SGCZ: variants seen among roughly 807,000 people sequenced by gnomAD.
SGCZ encodes sarcoglycan zeta.
A neutral mutation model predicts 41.3 loss-of-function variants in SGCZ; 40 were observed. That is an observed-to-expected ratio of 0.97 (90% CI 0.75 to 1.26). The LOEUF is 1.26. Ranked by LOEUF, SGCZ falls within the 50% of genes most tolerant of loss-of-function variation. The probability of loss-of-function intolerance (pLI) is 0.00; values close to 1 mark genes in which losing one functional copy is unlikely to be tolerated. For synonymous variants in SGCZ, 206 were observed against 137.5 expected (o/e 1.50, Z -3.49); for missense variants, 552 against 369.8 (o/e 1.49, Z -4.04).
chr8:14,371,202 C>A (rs1463537618), intron 2 of SGCZ, among the ~76,000 whole-genome samples: 1 of 151,868 alleles, frequency 6.6e-6, no homozygotes, highest in East Asian at 1.9e-4. Flanking sequence ...TTCAAAGAAT[C>A]CAGATGTCCA....
rs114674258 is a variant in SGCZ at position 14,309,979 on chromosome 8, A to C, written c.336+14124T>G. Among the ~76,000 whole-genome samples, 537 of 152,212 alleles carry C rather than the reference A, an allele frequency of 3.5e-3. 2 individuals carry two copies. Among genetic ancestry groups the C allele is most frequent in the African/African-American group, 0.013 (527 of 41,530 alleles). On this transcript the variant is annotated intron_variant, in intron 3 of 7. Transcript: ENST00000382080. ...GTTCAGTAGAATTACCATTAATTAC[A>C]TACAAATTTTACCCATCCACAATAG...
chr8:14,431,495 G>C (rs766484007), intron 2 of SGCZ, among the ~76,000 whole-genome samples: 11 of 152,138 alleles, frequency 7.2e-5, no homozygotes, highest in Non-Finnish European at 1.6e-4. Flanking sequence ...ACATGTAGGA[G>C]AATGAAACTG....
chr8:14,554,884 G>A lies in SGCZ; in HGVS notation c.82C>T (p.Leu28=), dbSNP rs200449298. ...QYILATQQNN[L]PRTENAQLYP... ...AGTTGTGCATTCTCAGTCCTTGGCA[G>A]GTTATTCTGTTGGGTTGCTAGTATG... is the stretch of plus-strand genomic sequence containing the variant. Residue 28 remains leucine, a synonymous_variant, in exon 2 of 8, where the codon CTG becomes TTG. Transcript: ENST00000382080. The A allele has an allele frequency of 3.5e-5, 56 of 1,612,440 alleles. No homozygotes were observed. Among genetic ancestry groups the A allele is most frequent in the Middle Eastern group, 3.3e-4 (2 of 6,050 alleles).
intron 3 of SGCZ, among the ~76,000 whole-genome samples, chr8:14,301,527 C>A (rs375481996): frequency 6.6e-6 from 1 of 152,054 alleles, no homozygotes; most frequent in Non-Finnish European, 1.5e-5. Context: ...ATGAAAGGAA[C>A]AAAATTTCAA....
intron 3 of SGCZ, among the ~76,000 whole-genome samples, chr8:14,283,890 G>T (rs957853864): frequency 1.4e-4 from 21 of 152,120 alleles, no homozygotes; most frequent in African/African-American, 5.1e-4. Flanking sequence ...AATTTCAATT[G>T]ACCTAAGAAA....
rs3069943 is a variant in SGCZ, at chr8:15,206,452, C to CTTTT, written c.39+31129_39+31132dup. Among the ~76,000 whole-genome samples, 137 of 144,420 alleles carry CTTTT rather than the reference C, an allele frequency of 9.5e-4. 2 individuals are homozygous for CTTTT. In the South Asian group the frequency reaches 0.02, roughly 21 times the overall value. The allele number at this position is 144,420 out of a possible 152,430, so 94.7% of individuals were successfully genotyped here. ...GTAGGCTGCTTTTACTCTGGGGAGTCTTTTTTTTTTTTTCTTGAGATGGAG... is the reference window on the plus strand; with the variant it reads ...GTAGGCTGCTTTTACTCTGGGGAGTCTTTTTTTTTTTTTTTTTCTTGAGATGGAG... On this transcript the variant is annotated intron_variant, in intron 1 of 7. Transcript: ENST00000382080.
chr8:14,886,776 A>G (rs1804823354), intron 1 of SGCZ, among the ~76,000 whole-genome samples: 1 of 152,198 alleles, frequency 6.6e-6, no homozygotes, highest in Non-Finnish European at 1.5e-5. Context: ...AAAGAGTAGC[A>G]ACATGGTAGA....
chr8:15,107,888 C>T (rs1393479346), intron 1 of SGCZ, among the ~76,000 whole-genome samples: 4 of 152,130 alleles, frequency 2.6e-5, no homozygotes, highest in South Asian at 2.1e-4. Flanking sequence ...AGAAGTCACC[C>T]ATTTCGTTCA....
intron 1 of SGCZ, among the ~76,000 whole-genome samples, chr8:14,946,973 C>A (rs903479578): frequency 6.6e-6 from 1 of 152,126 alleles, no homozygotes; most frequent in Non-Finnish European, 1.5e-5. Context: ...TGCACCTGGA[C>A]TGCCTCTTTC....
At chr8:14,968,320 ACATCTGAAACCTCAG>A (rs1801184913) in intron 1 of SGCZ, among the ~76,000 whole-genome samples, 1 of 152,166 alleles carries the variant, frequency 6.6e-6, no homozygotes, top group Non-Finnish European at 1.5e-5. Context: ...CCCTCTGGGA[ACATCTGAAACCTCAG>A]AATTTTATGA....
intron 1 of SGCZ, among the ~76,000 whole-genome samples, chr8:15,179,397 A>G (rs914122339): frequency 9.2e-4 from 140 of 152,312 alleles, no homozygotes; most frequent in African/African-American, 3.3e-3. Context: ...GAATTATTTC[A>G]CAGAACTTTA....
chr8:14,105,071 C>G (rs1036235749), intron 6 of SGCZ, among the ~76,000 whole-genome samples: 1 of 152,040 alleles, frequency 6.6e-6, no homozygotes, highest in Non-Finnish European at 1.5e-5. Context: ...AAACATTAGG[C>G]TGTTCTGGGC....
At chr8:14,172,214 T>C (rs1171238172) in intron 4 of SGCZ, among the ~76,000 whole-genome samples, 1 of 152,176 alleles carries the variant, frequency 6.6e-6, no homozygotes, top group Non-Finnish European at 1.5e-5. Context: ...TTCATGCCCA[T>C]TTCCAGCATG....
chr8:14,236,110 G>A (rs1227346510), intron 4 of SGCZ, among the ~76,000 whole-genome samples: 10 of 152,174 alleles, frequency 6.6e-5, no homozygotes, highest in Non-Finnish European at 1.5e-4. Context: ...AATCTACTAA[G>A]GTTAGGCCCG....
At chr8:15,102,978 G>A (rs1342018336) in intron 1 of SGCZ, among the ~76,000 whole-genome samples, 1 of 151,904 alleles carries the variant, frequency 6.6e-6, no homozygotes, top group Non-Finnish European at 1.5e-5. Flanking sequence ...TGTGCATATA[G>A]GACATAAATG....
chr8:14,201,973 A>G (rs764879725), intron 4 of SGCZ, among the ~76,000 whole-genome samples: 4 of 152,198 alleles, frequency 2.6e-5, no homozygotes, highest in Non-Finnish European at 5.9e-5. Flanking sequence ...AATGAACCAA[A>G]CCATAATATG....
intron 1 of SGCZ, among the ~76,000 whole-genome samples, chr8:14,630,454 G>C (rs909930426): frequency 5.3e-5 from 8 of 152,230 alleles, no homozygotes; most frequent in African/African-American, 1.9e-4. Flanking sequence ...CACTGTGGAA[G>C]ACAGTGTGGC....
chr8:15,001,298 A>G (rs560655255), intron 1 of SGCZ, among the ~76,000 whole-genome samples: 2 of 152,150 alleles, frequency 1.3e-5, no homozygotes, highest in South Asian at 4.1e-4. Flanking sequence ...CAGCCCTTAG[A>G]CTCATCTTTC....
Position 14,324,404 on chromosome 8 carries a change from A to G in SGCZ, c.235-200T>C, listed in dbSNP as rs553101911. Reference sequence around the variant, plus strand: ...GGCTCTATTTAAAATGAACAGGAAAAGAGGATTTAAAGGACTGTGTCTTCT... The same window carrying G: ...GGCTCTATTTAAAATGAACAGGAAAGGAGGATTTAAAGGACTGTGTCTTCT... On this transcript the variant is annotated intron_variant, in intron 2 of 7. Transcript: ENST00000382080. Among the ~76,000 whole-genome samples the G allele has an allele frequency of 1.4e-3, 211 of 152,226 alleles. 1 individual carries two copies. Among genetic ancestry groups the G allele is most frequent in the Middle Eastern group, 3.4e-3 (1 of 294 alleles).
Sources: gnomAD v4.1 joint callset for allele counts (sites outside exome capture counted in the v4.1 genomes callset) on GRCh38, gnomAD v4.1.1 for gene constraint, MANE v1.5 for transcripts, NCBI Gene and HGNC (gene_info 2026-07-23, HGNC 2026-07-21) for gene names.